Variants in ERC1 observed in about 807,000 individuals in gnomAD.
ERC1 encodes the protein RAB6 interacting protein 2.
A neutral mutation model predicts 132.0 loss-of-function variants in ERC1; 56 were observed. That is an observed-to-expected ratio of 0.42 (90% CI 0.34 to 0.53). The LOEUF (loss-of-function observed/expected upper bound fraction) is 0.53. ERC1 is among the 20% of genes least tolerant of loss of function. The pLI, the probability that ERC1 is intolerant of heterozygous loss-of-function variation, is 0.03. For missense variants in ERC1, 1,202 were observed against 1,349.9 expected (o/e 0.89, Z 1.72); for synonymous variants, 478 against 476.1 (o/e 1.00, Z -0.05).
At chr12:1,448,212 A>G (rs1207166906) in intron 18 of ERC1, among the ~76,000 whole-genome samples, 2 of 152,208 alleles carry the variant, frequency 1.3e-5, no homozygotes. Context: ...TAATATTGTC[A>G]TGTTTCCCTT....
At chr12:1,046,495 A>G (rs1592925513) in intron 2 of ERC1, among the ~76,000 whole-genome samples, 1 of 152,204 alleles carries the variant, frequency 6.6e-6, no homozygotes, top group East Asian at 1.9e-4. Context: ...GGACACAGCT[A>G]TGTTTATTTT....
intron 15 of ERC1, among the ~76,000 whole-genome samples, chr12:1,311,270 A>G (rs545659957): frequency 1.0e-3 from 159 of 152,304 alleles, no homozygotes; most frequent in African/African-American, 3.7e-3. Context: ...AGACAAAACT[A>G]CTTGGCAAGA....
At chr12:1,340,882 G>A (rs1195268031) in intron 15 of ERC1, among the ~76,000 whole-genome samples, 1 of 151,932 alleles carries the variant, frequency 6.6e-6, no homozygotes, top group Non-Finnish European at 1.5e-5. Context: ...TTACAGGCAT[G>A]AGCCACTGTG....
At chr12:1,138,114 TA>T (rs1949474474) in intron 7 of ERC1, among the ~76,000 whole-genome samples, 2 of 115,988 alleles carry the variant, frequency 1.7e-5, no homozygotes, top group Non-Finnish European at 3.3e-5. Context: ...AATATAATTA[TA>T]TTTAATACAT....
chr12:1,005,023 T>C (rs1963305097), intron 1 of ERC1, among the ~76,000 whole-genome samples: 1 of 152,206 alleles, frequency 6.6e-6, no homozygotes, highest in Non-Finnish European at 1.5e-5. Flanking sequence ...ATGTTTTACA[T>C]CTTCAGATGC....
intron 1 of ERC1, among the ~76,000 whole-genome samples, chr12:1,000,960 G>C (rs958193244): frequency 2.0e-5 from 3 of 151,912 alleles, no homozygotes; most frequent in Admixed American, 2.0e-4. Context: ...GCCCAGACTG[G>C]AGTGCAGTGA....
chr12:1,095,814 G>A (rs1484054783), intron 3 of ERC1, among the ~76,000 whole-genome samples: 1 of 152,174 alleles, frequency 6.6e-6, no homozygotes, highest in African/African-American at 2.4e-5. Context: ...GTAAGGTGCA[G>A]GCTTCTGAAT....
chr12:1,379,509 GGC>G (rs1449803965), intron 16 of ERC1, among the ~76,000 whole-genome samples: 1 of 152,118 alleles, frequency 6.6e-6, no homozygotes, highest in African/African-American at 2.4e-5. Context: ...AAGCCACACC[GGC>G]GTTTGAAGTT....
intron 11 of ERC1, among the ~76,000 whole-genome samples, chr12:1,184,602 T>C (rs952593532): frequency 6.6e-5 from 10 of 152,344 alleles, no homozygotes; most frequent in Middle Eastern, 6.8e-3. Context: ...GTAATGATAA[T>C]TGGAGTCATT....
intron 16 of ERC1, among the ~76,000 whole-genome samples, chr12:1,399,088 C>T (rs1417455688): frequency 6.6e-6 from 1 of 151,636 alleles, no homozygotes; most frequent in Non-Finnish European, 1.5e-5. Flanking sequence ...TGGGACTACA[C>T]ACAGGCATGT....
chr12:1,014,180 T>TG (rs1373782711), intron 1 of ERC1, among the ~76,000 whole-genome samples: 5 of 152,144 alleles, frequency 3.3e-5, no homozygotes, highest in Admixed American at 6.6e-5. Flanking sequence ...AAGTTTTTTT[T>TG]TTTGTTTGTT....
intron 15 of ERC1, among the ~76,000 whole-genome samples, chr12:1,304,829 G>A (rs1490271290): frequency 8.5e-6 from 1 of 117,356 alleles, no homozygotes; most frequent in Non-Finnish European, 1.6e-5. Flanking sequence ...TCGCTCTGCT[G>A]CCCGGGCTGG....
chr12:1,276,172 A>C (rs2078246682), intron 14 of ERC1, among the ~76,000 whole-genome samples: 1 of 151,906 alleles, frequency 6.6e-6, no homozygotes, highest in Non-Finnish European at 1.5e-5. Flanking sequence ...TTCTTCCATA[A>C]AACCTTTTCT....
At chr12:1,015,274 G>T (rs552938802) in intron 1 of ERC1, among the ~76,000 whole-genome samples, 2 of 151,886 alleles carry the variant, frequency 1.3e-5, no homozygotes, top group East Asian at 3.9e-4. Flanking sequence ...GTCCAGGCTG[G>T]TCTTGAACTC....
At chr12:1,403,335 T>C (rs1008270290) in intron 16 of ERC1, among the ~76,000 whole-genome samples, 6 of 152,204 alleles carry the variant, frequency 3.9e-5, no homozygotes, top group African/African-American at 1.4e-4. Context: ...AAAATATCTT[T>C]CATGTCAGTA....
At chr12:1,153,363 C>G (rs1279774145) in intron 8 of ERC1, among the ~76,000 whole-genome samples, 1 of 152,222 alleles carries the variant, frequency 6.6e-6, no homozygotes, top group Non-Finnish European at 1.5e-5. Flanking sequence ...CAATTTCTTG[C>G]CTTTGGTATT....
chr12:1,439,475 C>T (rs1481980481), intron 17 of ERC1, among the ~76,000 whole-genome samples: 5 of 152,166 alleles, frequency 3.3e-5, no homozygotes, highest in Non-Finnish European at 7.4e-5. Flanking sequence ...CAAGAAGAAA[C>T]AAAGCTCTTA....
intron 13 of ERC1, 113 bp downstream of exon 13, chr12:1,237,017 T>G: frequency 7.8e-7 from 1 of 1,288,570 alleles, no homozygotes; most frequent in Non-Finnish European, 1.1e-6. Flanking sequence ...TAACCCTGCT[T>G]GCTGCCTTCC....
chr12:1,481,004 C>G, intron 18 of ERC1: 1 of 665,160 alleles, frequency 1.5e-6, no homozygotes, highest in Non-Finnish European at 2.7e-6. Flanking sequence ...CCTATAGATG[C>G]TGTTTTCTTC....
Sources: gnomAD v4.1 joint callset for allele counts (sites outside exome capture counted in the v4.1 genomes callset) on GRCh38, gnomAD v4.1.1 for gene constraint, MANE v1.5 for transcripts, NCBI Gene and HGNC (gene_info 2026-07-23, HGNC 2026-07-21) for gene names.